Variants in SEC24A observed in about 807,000 individuals in gnomAD.
SEC24A encodes protein transport protein Sec24A.
A neutral mutation model predicts 129.4 loss-of-function variants in SEC24A; 93 were observed. That is an observed-to-expected ratio of 0.72 (90% confidence interval 0.61 to 0.85). The LOEUF (loss-of-function observed/expected upper bound fraction) is 0.85. Among genes scored for constraint, SEC24A ranks in the 40% least tolerant of loss-of-function variants. The pLI is 0.00. For synonymous variants in SEC24A, 460 were observed against 467.3 expected (o/e 0.98, Z 0.20); for missense variants, 1,264 against 1,307.4 (o/e 0.97, Z 0.51).
At position 134,648,905 on chromosome 5, in the gene SEC24A, G is replaced by T; in HGVS notation, c.-172G>T. ...CTCCCAGGCTAGGCTGTGGCCGCCG[G>T]TGGCCTGGGGAGAGTGCGGCGCCAT... On this transcript the variant is annotated 5_prime_UTR_variant, in exon 1 of 23. Coordinates refer to ENST00000398844, the MANE Select transcript of SEC24A (RefSeq NM_021982.3). The T allele has an allele frequency of 2.1e-6, 1 of 483,870 alleles. No individual in the cohort carries two copies. The allele number at this position is 483,870 out of a possible 1,614,324, so 30.0% of individuals were successfully genotyped here. A position where few individuals can be genotyped will look rare whatever the true frequency, so the allele number is the denominator to read the frequency against.
In SEC24A at chr5:134,726,487, A is replaced by G. The variant is rs1752760422; in HGVS notation, c.*1393A>G. 6.6e-6 allele frequency: 1 copy of G among 152,586 alleles called. No homozygotes were observed. Among genetic ancestry groups the G allele is most frequent in the South Asian group, 2.1e-4 (1 of 4,832 alleles). 9.5% of individuals were successfully genotyped at this position (152,586 alleles called of 1,614,324 possible). On this transcript the variant is annotated 3_prime_UTR_variant, in exon 23 of 23. Transcript: ENST00000398844. Reference sequence around the variant, plus strand: ...ATGGAATAGTAACTTCCAGGTTTATATCAATATGAGCTGACTTTAACTGAG... The same window carrying G: ...ATGGAATAGTAACTTCCAGGTTTATGTCAATATGAGCTGACTTTAACTGAG...
chr5:134,694,831 A>G (rs1004484076), intron 13 of SEC24A, among the ~76,000 whole-genome samples: 15 of 151,974 alleles, frequency 9.9e-5, no homozygotes, highest in East Asian at 1.9e-4. Context: ...AAAAAAAAAA[A>G]AAAAGAAAAG....
chr5:134,681,435 T>C (rs1205742643), intron 8 of SEC24A, among the ~76,000 whole-genome samples: 3 of 134,860 alleles, frequency 2.2e-5, no homozygotes, highest in African/African-American at 9.9e-5. Context: ...AAAAACAGTT[T>C]TATTGTTTGT....
In SEC24A at chr5:134,705,070, T is replaced by TATATA. The variant is rs1561827960; in HGVS notation, c.2441-257_2441-256insATATA. Among the ~76,000 whole-genome samples the TATATA allele has an allele frequency of 6.0e-3, 792 of 133,046 alleles. 6 individuals carry two copies. Among genetic ancestry groups the TATATA allele is most frequent in the African/African-American group, 0.022 (765 of 35,224 alleles). 87.3% of individuals were successfully genotyped at this position (133,046 alleles called of 152,430 possible). The stretch of plus-strand genomic sequence containing the variant: ...GAAAAGAAGTTATTTATATTTATAT[T>TATATA]TATATATATATATATATATATTTTT... On this transcript the variant is annotated intron_variant, in intron 16 of 22. Coordinates refer to ENST00000398844, the MANE Select transcript of SEC24A (RefSeq NM_021982.3).
At chr5:134,678,054 C>T (rs774709237) in intron 7 of SEC24A, among the ~76,000 whole-genome samples, 25 of 152,040 alleles carry the variant, frequency 1.6e-4, no homozygotes, top group African/African-American at 2.9e-4. Flanking sequence ...CCGGGTCTCT[C>T]GTTGTCACCC....
intron 18 of SEC24A, among the ~76,000 whole-genome samples, chr5:134,714,127 T>TA (rs1158802132): frequency 6.6e-6 from 1 of 152,170 alleles, no homozygotes; most frequent in Non-Finnish European, 1.5e-5. Flanking sequence ...CATAGTTACT[T>TA]ATTAACTCAT....
chr5:134,724,308 G>A lies in SEC24A; in HGVS notation c.3167+638G>A, dbSNP rs72800327. On this transcript the variant is annotated intron_variant, in intron 22 of 22. Transcript: ENST00000398844. ...TTCCTGTTTTTTAAAGGCTGAAGTC[G>A]CCGGGCGCGGTGGCTCATGCCTGTA... 1.8e-3 allele frequency among the ~76,000 whole-genome samples: 279 copies of A among 152,232 alleles called. 1 individual carries two copies. The highest frequency in any genetic ancestry group is 5.4e-3 in the South Asian group (26 of 4,824).
At chr5:134,707,357 TCTCA>T (rs1261712983) in intron 17 of SEC24A, among the ~76,000 whole-genome samples, 3 of 150,808 alleles carry the variant, frequency 2.0e-5, no homozygotes, top group Non-Finnish European at 4.4e-5. Context: ...TGAGGTGGAG[TCTCA>T]CTCTATCGCC....
chr5:134,725,175 CTATTA>C lies in SEC24A; in HGVS notation c.*83_*87del, dbSNP rs1181611567. 1.4e-6 allele frequency: 1 copy of C among 715,840 alleles called. No homozygotes were observed. The highest frequency in any genetic ancestry group is 2.6e-5 in the East Asian group (1 of 37,820). The allele number at this position is 715,840 out of a possible 1,614,324, so 44.3% of individuals were successfully genotyped here. On this transcript the variant is annotated 3_prime_UTR_variant, in exon 23 of 23. Transcript: ENST00000398844. Reference sequence around the variant, plus strand: ...TGGAAATGTGTAATACCTTCTTTTTCTATTATGTTTGTGGACTAATGTGATGATTG... The same window carrying C: ...TGGAAATGTGTAATACCTTCTTTTTCTGTTTGTGGACTAATGTGATGATTG...
intron 20 of SEC24A, among the ~76,000 whole-genome samples, chr5:134,720,046 AAG>A (rs1165744100): frequency 1.3e-5 from 2 of 152,216 alleles, no homozygotes; most frequent in Non-Finnish European, 1.5e-5. Flanking sequence ...TTATTGAAGA[AAG>A]AAATTTTTTT....
intron 12 of SEC24A, chr5:134,693,461 T>G (rs1751724831): frequency 1.4e-6 from 2 of 1,380,196 alleles, no homozygotes; most frequent in Non-Finnish European, 1.9e-6. Context: ...GTGATGGTTC[T>G]TTTGGATACA....
intron 11 of SEC24A, 32 bp from the exon 12 acceptor site, chr5:134,692,570 T>G: frequency 9.4e-7 from 1 of 1,069,514 alleles, no homozygotes; most frequent in South Asian, 1.4e-5. Flanking sequence ...TATTACATTT[T>G]GTTTAAAATA....
intron 1 of SEC24A, among the ~76,000 whole-genome samples, chr5:134,653,162 A>G (rs1750123093): frequency 6.6e-6 from 1 of 150,876 alleles, no homozygotes. Flanking sequence ...GATGGCCTCT[A>G]TCTGCTGACC....
intron 8 of SEC24A, among the ~76,000 whole-genome samples, chr5:134,682,087 C>CA (rs1239913611): frequency 7.9e-5 from 12 of 151,712 alleles, no homozygotes; most frequent in African/African-American, 2.7e-4. Flanking sequence ...ACTAAAAATA[C>CA]AAAAAATTAG....
At chr5:134,691,426 CA>C (rs1580716846) in intron 11 of SEC24A, among the ~76,000 whole-genome samples, 2 of 151,760 alleles carry the variant, frequency 1.3e-5, no homozygotes, top group South Asian at 4.2e-4. Context: ...CTCAGCCTCC[CA>C]AAGTGCTGGG....
intron 19 of SEC24A, 78 bp downstream of exon 19, chr5:134,715,239 G>A (rs1752443095): frequency 7.3e-6 from 9 of 1,228,958 alleles, no homozygotes; most frequent in Non-Finnish European, 1.0e-5. Flanking sequence ...AATGAGGAAG[G>A]GTTTGTTTAT....
At chr5:134,687,525 A>G (rs963178183) in intron 10 of SEC24A, among the ~76,000 whole-genome samples, 4 of 152,184 alleles carry the variant, frequency 2.6e-5, no homozygotes, top group African/African-American at 7.2e-5. Context: ...GTAATGAAGT[A>G]TAGTGCTTGT....
Position 134,665,719 on chromosome 5 carries a change from G to C in SEC24A, c.566-1104G>C, listed in dbSNP as rs192823050. 7.9e-5 allele frequency among the ~76,000 whole-genome samples: 12 copies of C among 151,852 alleles called. No homozygotes were observed. The East Asian group carries it at 2.1e-3, about 27-fold the overall frequency. On this transcript the variant is annotated intron_variant, in intron 2 of 22. Transcript: ENST00000398844. ...TTACAGGTGCCCACCACCACACCTG[G>C]CTAATTTTTTGTATTTTTAGTAGAG...
At chr5:134,706,838 A>G (rs754977371) in intron 17 of SEC24A, among the ~76,000 whole-genome samples, 6 of 151,686 alleles carry the variant, frequency 4.0e-5, no homozygotes, top group Non-Finnish European at 7.4e-5. Context: ...CTACAGGCGC[A>G]CGACACCACA....
Sources: gnomAD v4.1 joint callset for allele counts (sites outside exome capture counted in the v4.1 genomes callset) on GRCh38, gnomAD v4.1.1 for gene constraint, MANE v1.5 for transcripts, NCBI Gene and HGNC (gene_info 2026-07-23, HGNC 2026-07-21) for gene names.